VPS13B: variants seen among roughly 807,000 people sequenced by gnomAD.
VPS13B encodes intermembrane lipid transfer protein VPS13B.
VPS13B carries 285 observed loss-of-function variants against 426.4 expected under a neutral mutation model. The ratio of observed to expected loss-of-function variants is 0.67; its 90% CI spans 0.61 to 0.74. VPS13B has a LOEUF of 0.74. VPS13B is among the 30% of genes least tolerant of loss of function. The pLI is 0.00. For missense variants in VPS13B, 4,537 were observed against 4,782.6 expected (o/e 0.95, Z 1.51); for synonymous variants, 1,676 against 1,676.4 (o/e 1.00, Z 0.01).
chr8:99,696,796 T>A (rs1588632926), intron 35 of VPS13B: 1 of 1,410,762 alleles, frequency 7.1e-7, no homozygotes, highest in East Asian at 2.3e-5. Flanking sequence ...TATTTGAGAA[T>A]GAGCTGACCC....
chr8:99,138,234 C>G (rs1810187525), intron 12 of VPS13B, among the ~76,000 whole-genome samples: 1 of 152,198 alleles, frequency 6.6e-6, no homozygotes, highest in Admixed American at 6.5e-5. Context: ...TCAAGCGATT[C>G]TCATGCCTCA....
intron 39 of VPS13B, among the ~76,000 whole-genome samples, chr8:99,734,054 C>T (rs149535711): frequency 0.012 from 1,810 of 152,278 alleles, 21 homozygotes; most frequent in Non-Finnish European, 0.016. Flanking sequence ...TAAGTAATCA[C>T]GAATCTACTT....
chr8:99,513,852 G>C (rs958111745), intron 29 of VPS13B, among the ~76,000 whole-genome samples: 4 of 152,094 alleles, frequency 2.6e-5, no homozygotes, highest in African/African-American at 9.7e-5. Flanking sequence ...CTTTTAAAAT[G>C]GGTATCTAAT....
At chr8:99,524,384 A>G (rs143960775) in intron 30 of VPS13B, among the ~76,000 whole-genome samples, 1 of 152,340 alleles carries the variant, frequency 6.6e-6, no homozygotes, top group African/African-American at 2.4e-5. Context: ...ACAAGGTTGT[A>G]GAATACAAAG....
intron 3 of VPS13B, among the ~76,000 whole-genome samples, chr8:99,048,762 C>T (rs991703239): frequency 5.3e-5 from 8 of 151,348 alleles, no homozygotes; most frequent in Non-Finnish European, 1.0e-4. Flanking sequence ...TTGCTGTGAG[C>T]CAAGATCAAG....
chr8:99,754,756 T>C (rs1442071090), intron 39 of VPS13B, among the ~76,000 whole-genome samples: 3 of 152,214 alleles, frequency 2.0e-5, no homozygotes, highest in African/African-American at 7.2e-5. Context: ...ATTGTATAAG[T>C]GCAGTATATA....
intron 21 of VPS13B, among the ~76,000 whole-genome samples, chr8:99,425,121 A>G (rs539074390): frequency 2.0e-5 from 3 of 152,198 alleles, no homozygotes; most frequent in African/African-American, 7.2e-5. Flanking sequence ...TTCACAGCCA[A>G]ATTCTACGAG....
intron 15 of VPS13B, among the ~76,000 whole-genome samples, chr8:99,158,285 A>G (rs1271757066): frequency 1.3e-5 from 2 of 152,194 alleles, no homozygotes; most frequent in Non-Finnish European, 2.9e-5. Flanking sequence ...CTGTAATCCC[A>G]GCTCTTTTGG....
At chr8:99,170,455 G>A (rs1373302206) in intron 16 of VPS13B, among the ~76,000 whole-genome samples, 2 of 151,768 alleles carry the variant, frequency 1.3e-5, no homozygotes, top group Non-Finnish European at 2.9e-5. Flanking sequence ...GTAAGAGGAA[G>A]TGCCTTTTTT....
At chr8:99,111,846 A>C (rs1181957394) in intron 6 of VPS13B, among the ~76,000 whole-genome samples, 2 of 152,042 alleles carry the variant, frequency 1.3e-5, no homozygotes, top group African/African-American at 4.8e-5. Context: ...GATTTGTTAC[A>C]AGGGTATATT....
intron 3 of VPS13B, among the ~76,000 whole-genome samples, chr8:99,067,290 A>G (rs958292432): frequency 1.3e-5 from 2 of 152,210 alleles, no homozygotes; most frequent in Non-Finnish European, 2.9e-5. Flanking sequence ...TGGCACATAT[A>G]CACCATGGAA....
At position 99,859,564 on chromosome 8, in the gene VPS13B, C is replaced by A. The variant is rs1444977786; in HGVS notation, c.11044+84C>A. 5 of 1,541,178 alleles carry A rather than the reference C, an allele frequency of 3.2e-6. No individual in the cohort carries two copies. In the African/African-American group the frequency reaches 6.9e-5, roughly 21 times the overall value. On this transcript the variant is annotated intron_variant, in intron 57 of 61. Transcript: ENST00000357162. ...AAAGAATGTGCTAAAGTTTTAAATG[C>A]ATTCAGATTGCCTCTAGCTTTGTTT... is the stretch of plus-strand genomic sequence containing the variant.
rs1832293097 is a variant in VPS13B, at chr8:99,701,765, T to G, written c.6454+1833T>G. The stretch of plus-strand genomic sequence containing the variant: ...GAGATTAGCTACTTAATAGTAACAA[T>G]TTTGTTATGAGACTATAATGAACAC... On this transcript the variant is annotated intron_variant, in intron 36 of 61. Transcript: ENST00000357162. Among the ~76,000 whole-genome samples, 6 of 152,180 alleles carry G rather than the reference T, an allele frequency of 3.9e-5. No homozygotes were observed. In the South Asian group the frequency reaches 1.2e-3, roughly 32 times the overall value.
chr8:99,242,723 T>C (rs1384821215), intron 17 of VPS13B, among the ~76,000 whole-genome samples: 1 of 152,230 alleles, frequency 6.6e-6, no homozygotes, highest in African/African-American at 2.4e-5. Flanking sequence ...ACTTATAGAA[T>C]TGCCTTATCA....
At chr8:99,068,761 C>G (rs1204677113) in intron 3 of VPS13B, among the ~76,000 whole-genome samples, 1 of 152,138 alleles carries the variant, frequency 6.6e-6, no homozygotes, top group South Asian at 2.1e-4. Context: ...CATGAGAACT[C>G]ACTCACTATC....
At chr8:99,301,596 C>G (rs1183447172) in intron 19 of VPS13B, among the ~76,000 whole-genome samples, 1 of 150,472 alleles carries the variant, frequency 6.6e-6, no homozygotes, top group Non-Finnish European at 1.5e-5. Flanking sequence ...AGCCAAGAGT[C>G]CCATCTTGTT....
chr8:99,721,332 T>C (rs1485652183), intron 39 of VPS13B, among the ~76,000 whole-genome samples: 2 of 152,224 alleles, frequency 1.3e-5, no homozygotes, highest in African/African-American at 2.4e-5. Context: ...AGGTGTCATT[T>C]AGTTCACCAC....
intron 19 of VPS13B, among the ~76,000 whole-genome samples, chr8:99,280,161 C>T (rs1819100232): frequency 6.6e-6 from 1 of 152,076 alleles, no homozygotes. Context: ...TTTTGATGTT[C>T]TCTGTGGTGG....
At chr8:99,609,069 A>G (rs1216510919) in intron 33 of VPS13B, among the ~76,000 whole-genome samples, 2 of 152,140 alleles carry the variant, frequency 1.3e-5, no homozygotes, top group Non-Finnish European at 2.9e-5. Context: ...TTGTTTAACC[A>G]TGGTAGTTTC....
Sources: allele counts gnomAD v4.1 joint callset (sites outside exome capture counted in the v4.1 genomes callset), GRCh38; gene constraint gnomAD v4.1.1; transcripts MANE v1.5; gene names NCBI Gene and HGNC (gene_info 2026-07-23, HGNC 2026-07-21).